The following ZNF280D variants were observed in gnomAD, a reference collection of about 807,000 sequenced individuals.
The protein encoded by ZNF280D is zinc finger protein 280D, also known as suppressor of hairy wing homolog 4.
Under a neutral mutation model 94.7 loss-of-function variants are expected in ZNF280D, and 39 were observed. That is an observed-to-expected ratio of 0.41 (90% CI 0.32 to 0.54). ZNF280D has a LOEUF of 0.54. Ranked by LOEUF, ZNF280D falls within the 20% of genes least tolerant of loss-of-function variation. The probability of loss-of-function intolerance (pLI) is 0.22; values close to 1 mark genes in which losing one functional copy is unlikely to be tolerated. For synonymous variants in ZNF280D, 398 were observed against 377.6 expected (o/e 1.05, Z -0.63); for missense variants, 1,090 against 1,149.3 (o/e 0.95, Z 0.75).
At chr15:56,721,098 G>A (rs1353509758) in intron 1 of ZNF280D, among the ~76,000 whole-genome samples, 3 of 151,990 alleles carry the variant, frequency 2.0e-5, no homozygotes, top group Non-Finnish European at 4.4e-5. Flanking sequence ...GAATAACTGG[G>A]ACTACAGGCA....
chr15:56,630,471 C>G lies in ZNF280D; in HGVS notation c.*1027G>C, dbSNP rs1265539447. ...GATAAATTAGGCTAAATTTCCAAAACCAGTTCTTTTACATCACTGTTTTAG... is the reference window on the plus strand; with the variant it reads ...GATAAATTAGGCTAAATTTCCAAAAGCAGTTCTTTTACATCACTGTTTTAG... On this transcript the variant is annotated 3_prime_UTR_variant, in exon 22 of 22. Transcript: ENST00000267807. The G allele has an allele frequency of 6.6e-6, 1 of 152,078 alleles. No individual in the cohort carries two copies. Among genetic ancestry groups the G allele is most frequent in the Non-Finnish European group, 1.5e-5 (1 of 67,998 alleles). The allele number at this position is 152,078 out of a possible 1,614,324, so 9.4% of individuals were successfully genotyped here. A position where few individuals can be genotyped will look rare whatever the true frequency, so the allele number is the denominator to read the frequency against.
chr15:56,676,899 T>A (rs948407383), intron 12 of ZNF280D, 83 bp from the exon 13 acceptor site: 5 of 1,105,488 alleles, frequency 4.5e-6, no homozygotes, highest in Non-Finnish European at 6.5e-6. Flanking sequence ...GGATAATTTG[T>A]CAGGAGAACA....
At chr15:56,668,761 C>A in intron 14 of ZNF280D, 62 bp downstream of exon 14, 3 of 1,408,376 alleles carry the variant, frequency 2.1e-6, no homozygotes, top group Non-Finnish European at 2.9e-6. Flanking sequence ...ATATATAAAG[C>A]CGGGCAGGAG....
At chr15:56,726,480 T>G (rs2058636567) in intron 1 of ZNF280D, among the ~76,000 whole-genome samples, 1 of 152,188 alleles carries the variant, frequency 6.6e-6, no homozygotes, top group Non-Finnish European at 1.5e-5. Flanking sequence ...TATCTTATAA[T>G]TATTATGTGG....
chr15:56,719,504 G>A (rs1487199860), intron 1 of ZNF280D, among the ~76,000 whole-genome samples: 3 of 152,068 alleles, frequency 2.0e-5, no homozygotes, highest in Admixed American at 2.0e-4. Context: ...CTGGTACCAC[G>A]ATACTTGCAG....
intron 13 of ZNF280D, among the ~76,000 whole-genome samples, chr15:56,669,940 A>AT (rs1181334428): frequency 0.035 from 232 of 6,548 alleles, 61 homozygotes; most frequent in African/African-American, 0.12. Flanking sequence ...TATATATTAT[A>AT]TATATATATT....
At chr15:56,640,210 T>C (rs1212914072) in intron 20 of ZNF280D, among the ~76,000 whole-genome samples, 2 of 152,162 alleles carry the variant, frequency 1.3e-5, no homozygotes, top group African/African-American at 2.4e-5. Flanking sequence ...ATCAGTGCTA[T>C]ACCAAGCCAT....
chr15:56,659,333 T>C (rs2053762119), intron 16 of ZNF280D, among the ~76,000 whole-genome samples: 1 of 152,028 alleles, frequency 6.6e-6, no homozygotes, highest in South Asian at 2.1e-4. Flanking sequence ...AGAAAGCCAG[T>C]ATTAGACCAA....
At chr15:56,701,134 A>G in intron 5 of ZNF280D, 39 bp downstream of exon 5, 1 of 1,606,502 alleles carries the variant, frequency 6.2e-7, no homozygotes, top group Non-Finnish European at 8.5e-7. Context: ...TTGTCAAAAT[A>G]CTTCACTTTA....
At chr15:56,651,114 G>T (rs1391750826) in intron 19 of ZNF280D, among the ~76,000 whole-genome samples, 3 of 152,146 alleles carry the variant, frequency 2.0e-5, no homozygotes, top group Non-Finnish European at 4.4e-5. Context: ...ACAATGCCAG[G>T]CACAAAGTAG....
Position 56,634,981 on chromosome 15 carries a change from C to T in ZNF280D, c.2315+214G>A, listed in dbSNP as rs780441965. ...AAAATTTAACAACATAAAATATGCT[C>T]TATATGTTTAAAAGATTTAAAAACA... On this transcript the variant is annotated intron_variant, in intron 21 of 21. Transcript: ENST00000267807. Among the ~76,000 whole-genome samples the T allele has an allele frequency of 2.6e-5, 4 of 151,892 alleles. No individual in the cohort carries two copies. In the East Asian group the frequency reaches 7.7e-4, roughly 29 times the overall value.
At chr15:56,715,800 T>C (rs1767498240) in intron 1 of ZNF280D, among the ~76,000 whole-genome samples, 1 of 152,178 alleles carries the variant, frequency 6.6e-6, no homozygotes, top group African/African-American at 2.4e-5. Flanking sequence ...GAAGGTCATT[T>C]ATTCCAGAAG....
chr15:56,704,334 CAT>C lies in ZNF280D; in HGVS notation c.29-69_29-68del, dbSNP rs577940648. 40 of 1,419,698 alleles carry C rather than the reference CAT, an allele frequency of 2.8e-5. 1 individual carries two copies. In the African/African-American group the frequency reaches 5.2e-4, roughly 19 times the overall value. The allele number at this position is 1,419,698 out of a possible 1,614,324, so 87.9% of individuals were successfully genotyped here. ...TAAAAATAAAAACATTTTTGTAATACATAGCATTAATTTTAAGGTGTACTTTA... is the reference window on the plus strand; with the variant it reads ...TAAAAATAAAAACATTTTTGTAATACAGCATTAATTTTAAGGTGTACTTTA... On this transcript the variant is annotated intron_variant, in intron 3 of 21. Transcript: ENST00000267807.
At position 56,669,908 on chromosome 15, in the gene ZNF280D, TA is replaced by T. The variant is rs2054627346; in HGVS notation, c.1411-952del. 6.3e-4 allele frequency among the ~76,000 whole-genome samples: 4 copies of T among 6,322 alleles called. 1 individual carries two copies. Among genetic ancestry groups the T allele is most frequent in the Admixed American group, 8.4e-3 (2 of 238 alleles). The allele number at this position is 6,322 out of a possible 152,430, so 4.1% of individuals were successfully genotyped here. A position where few individuals can be genotyped will look rare whatever the true frequency, so the allele number is the denominator to read the frequency against. On this transcript the variant is annotated intron_variant, in intron 13 of 21. Coordinates refer to ENST00000267807, the MANE Select transcript of ZNF280D (RefSeq NM_017661.4). ...ATATATTATATATATATATAATATA[TA>T]TATATTATATATATATTATATATAT...
intron 14 of ZNF280D, among the ~76,000 whole-genome samples, chr15:56,667,236 G>A (rs1348179170): frequency 6.6e-6 from 1 of 152,048 alleles, no homozygotes; most frequent in African/African-American, 2.4e-5. Flanking sequence ...GAATAATTAG[G>A]AGTTAATACA....
intron 3 of ZNF280D, among the ~76,000 whole-genome samples, chr15:56,704,719 A>C (rs2057297055): frequency 6.6e-6 from 1 of 152,150 alleles, no homozygotes; most frequent in Non-Finnish European, 1.5e-5. Context: ...AGTGGCTCAC[A>C]CTTGTAATCC....
chr15:56,631,988 T>C lies in ZNF280D; in HGVS notation c.2450A>G (p.Gln817Arg). 1 of 1,614,110 alleles carries C rather than the reference T, an allele frequency of 6.2e-7. No individual in the cohort carries two copies. Among genetic ancestry groups the C allele is most frequent in the Non-Finnish European group, 8.5e-7 (1 of 1,180,010 alleles). ...GACGATGTTTTTTGAGCCAGTTTCC[T>C]GGTCTGCAAGACAGGTTTCATTTTC... ...DKENETCLAD[Q>R]ETGSKNIVSC... Residue 817 changes from glutamine (Q) to arginine (R), a missense_variant, in exon 22 of 22, where the codon CAG becomes CGG. Gln to Arg is a conservative substitution (Grantham distance 43). Coordinates refer to ENST00000267807, the MANE Select transcript of ZNF280D (RefSeq NM_017661.4).
chr15:56,679,936 A>G (rs2055506569), intron 10 of ZNF280D, among the ~76,000 whole-genome samples: 1 of 152,238 alleles, frequency 6.6e-6, no homozygotes, highest in Non-Finnish European at 1.5e-5. Flanking sequence ...CGTTTAGAGT[A>G]AAGATCATGA....
In ZNF280D at chr15:56,668,762, C is replaced by T. The variant is rs548852010; in HGVS notation, c.1545+61G>A. On this transcript the variant is annotated intron_variant, in intron 14 of 21. Transcript: ENST00000267807. ...TAAAAATACATTCAATATATAAAGCCGGGCAGGAGTTAATTTCTATTATCA... is the reference window on the plus strand; with the variant it reads ...TAAAAATACATTCAATATATAAAGCTGGGCAGGAGTTAATTTCTATTATCA... 45 of 1,411,690 alleles carry T rather than the reference C, an allele frequency of 3.2e-5. No homozygotes were observed. The African/African-American group carries it at 4.0e-4, about 13-fold the overall frequency. 87.4% of individuals were successfully genotyped at this position (1,411,690 alleles called of 1,614,324 possible).
Sources: allele counts gnomAD v4.1 joint callset (sites outside exome capture counted in the v4.1 genomes callset), GRCh38; gene constraint gnomAD v4.1.1; transcripts MANE v1.5; gene names NCBI Gene and HGNC (gene_info 2026-07-23, HGNC 2026-07-21).